SLC30A8: variants seen among roughly 807,000 people sequenced by gnomAD.
SLC30A8 encodes the protein solute carrier family 30 member 8.
Under a neutral mutation model 36.9 loss-of-function variants are expected in SLC30A8, and 27 were observed. The ratio of observed to expected loss-of-function variants is 0.73; its 90% CI spans 0.54 to 1.01. The LOEUF (loss-of-function observed/expected upper bound fraction) is 1.01. Among genes scored for constraint, SLC30A8 ranks in the 50% least tolerant of loss-of-function variants. The pLI, the probability that SLC30A8 is intolerant of heterozygous loss-of-function variation, is 0.00. For missense variants in SLC30A8, 439 were observed against 452.0 expected, an observed-to-expected ratio of 0.97 and a Z score of 0.26; for synonymous variants, 164 against 172.4, an observed-to-expected ratio of 0.95 and a Z score of 0.38.
chr8:117,109,199 A>T (rs558656203), intron 2 of SLC30A8, among the ~76,000 whole-genome samples: 1 of 152,294 alleles, frequency 6.6e-6, no homozygotes, highest in South Asian at 2.1e-4. Context: ...CTAGCCTTGA[A>T]GGCAGCATGT....
At chr8:117,116,374 C>T (rs772507771) in intron 2 of SLC30A8, among the ~76,000 whole-genome samples, 11 of 151,956 alleles carry the variant, frequency 7.2e-5, no homozygotes, top group Non-Finnish European at 1.2e-4. Flanking sequence ...ACTGATGTCA[C>T]GGACAATTGA....
intron 2 of SLC30A8, among the ~76,000 whole-genome samples, chr8:117,059,659 T>C (rs751075030): frequency 6.6e-6 from 1 of 152,320 alleles, no homozygotes; most frequent in Non-Finnish European, 1.5e-5. Context: ...GTTGGTTTAG[T>C]TGGACGATAG....
chr8:117,148,919 G>A (rs1042214654), intron 2 of SLC30A8, among the ~76,000 whole-genome samples: 1 of 151,900 alleles, frequency 6.6e-6, no homozygotes, highest in Non-Finnish European at 1.5e-5. Flanking sequence ...TTGAATTATT[G>A]TCAATTCTAA....
At chr8:117,056,512 T>A (rs906785070) in intron 2 of SLC30A8, among the ~76,000 whole-genome samples, 1 of 150,182 alleles carries the variant, frequency 6.7e-6, no homozygotes, top group Non-Finnish European at 1.5e-5. Flanking sequence ...CCAGGATAAG[T>A]ACAAGCATGG....
At chr8:117,055,509 T>C (rs541945970) in intron 2 of SLC30A8, among the ~76,000 whole-genome samples, 11 of 152,358 alleles carry the variant, frequency 7.2e-5, no homozygotes, top group Non-Finnish European at 2.9e-5. Flanking sequence ...CTCCAGCTCC[T>C]TGGATAATGT....
At chr8:117,024,181 TTTATGTAATG>T (rs1009369721) in intron 1 of SLC30A8, among the ~76,000 whole-genome samples, 4 of 152,228 alleles carry the variant, frequency 2.6e-5, no homozygotes, top group Non-Finnish European at 5.9e-5. Flanking sequence ...AGGAATGACT[TTTATGTAATG>T]TTATTTCCTC....
intron 2 of SLC30A8, among the ~76,000 whole-genome samples, chr8:117,097,047 G>A (rs1425405759): frequency 6.6e-6 from 1 of 151,998 alleles, no homozygotes; most frequent in Non-Finnish European, 1.5e-5. Context: ...CCTTCATGGA[G>A]TGTGCAGACT....
intron 2 of SLC30A8, among the ~76,000 whole-genome samples, chr8:117,049,404 C>G (rs1817643294): frequency 6.6e-6 from 1 of 152,164 alleles, no homozygotes; most frequent in Admixed American, 6.5e-5. Flanking sequence ...TCTATTGCCT[C>G]TCCAATGCTA....
intron 1 of SLC30A8, among the ~76,000 whole-genome samples, chr8:117,013,904 T>C (rs1816427052): frequency 6.6e-6 from 1 of 152,208 alleles, no homozygotes; most frequent in Non-Finnish European, 1.5e-5. Context: ...TTTTCAATGA[T>C]AGCACATTTA....
intron 2 of SLC30A8, among the ~76,000 whole-genome samples, chr8:117,126,730 G>GAAAC (rs1820922366): frequency 6.6e-6 from 1 of 152,024 alleles, no homozygotes; most frequent in African/African-American, 2.4e-5. Flanking sequence ...GATGAGATGA[G>GAAAC]AAACAAACAA....
intron 2 of SLC30A8, among the ~76,000 whole-genome samples, chr8:117,073,260 T>TC (rs1404040061): frequency 1.7e-5 from 2 of 114,440 alleles, no homozygotes; most frequent in Admixed American, 8.4e-5. Flanking sequence ...TTCTTTCACT[T>TC]TTTTTTTTTT....
intron 1 of SLC30A8, among the ~76,000 whole-genome samples, chr8:117,033,567 A>G (rs1345792256): frequency 6.6e-6 from 1 of 152,254 alleles, no homozygotes; most frequent in African/African-American, 2.4e-5. Flanking sequence ...ACGCAGCATC[A>G]TGAATGGACT....
intron 2 of SLC30A8, among the ~76,000 whole-genome samples, chr8:117,127,845 G>A (rs554865382): frequency 4.3e-4 from 65 of 152,144 alleles, no homozygotes; most frequent in Non-Finnish European, 6.9e-4. Context: ...TTTTATGAAT[G>A]AATTTATATA....
chr8:117,081,186 G>A (rs1210772205), intron 2 of SLC30A8, among the ~76,000 whole-genome samples: 1 of 152,152 alleles, frequency 6.6e-6, no homozygotes, highest in East Asian at 1.9e-4. Flanking sequence ...ACCCTAAAGT[G>A]CAGGCATGGT....
intron 1 of SLC30A8, among the ~76,000 whole-genome samples, chr8:117,021,377 T>C (rs1168104165): frequency 6.6e-6 from 1 of 152,212 alleles, no homozygotes; most frequent in Non-Finnish European, 1.5e-5. Context: ...TTCTTCTAAA[T>C]GCACCTTGTT....
intron 4 of SLC30A8, among the ~76,000 whole-genome samples, chr8:117,160,446 T>TGTGTGTGTGTGTGC (rs150458118): frequency 1.2e-3 from 168 of 144,596 alleles, no homozygotes; most frequent in South Asian, 7.6e-3. Context: ...CGCGCACATG[T>TGTGTGTGTGTGTGC]GCGCGCGGTG....
chr8:116,997,244 T>A (rs1006560350), intron 1 of SLC30A8, among the ~76,000 whole-genome samples: 1 of 152,188 alleles, frequency 6.6e-6, no homozygotes, highest in Admixed American at 6.5e-5. Flanking sequence ...ACTGCACAGT[T>A]TGCCTGTTCT....
intron 2 of SLC30A8, among the ~76,000 whole-genome samples, chr8:117,063,070 TTAGAG>T (rs1183109064): frequency 6.6e-6 from 1 of 152,178 alleles, no homozygotes; most frequent in Non-Finnish European, 1.5e-5. Context: ...TGGGAAGTAT[TTAGAG>T]ACCACACAAG....
intron 4 of SLC30A8, among the ~76,000 whole-genome samples, chr8:117,160,404 TG>T (rs930098379): frequency 6.9e-5 from 5 of 72,236 alleles, no homozygotes; most frequent in African/African-American, 2.2e-4. Context: ...ATTTTCCACT[TG>T]TGTGTGTGTG....
Sources: gnomAD v4.1 joint callset for allele counts (sites outside exome capture counted in the v4.1 genomes callset) on GRCh38, gnomAD v4.1.1 for gene constraint, MANE v1.5 for transcripts, NCBI Gene and HGNC (gene_info 2026-07-23, HGNC 2026-07-21) for gene names.